MPP4: variants seen among roughly 807,000 people sequenced by gnomAD.
The protein encoded by MPP4 is MAGUK p55 subfamily member 4.
Under a neutral mutation model 98.3 loss-of-function variants are expected in MPP4, and 91 were observed. The observed-to-expected ratio is 0.93, with a 90% confidence interval of 0.78 to 1.10. The LOEUF (loss-of-function observed/expected upper bound fraction) is 1.10. Among genes scored for constraint, MPP4 ranks in the 50% least tolerant of loss-of-function variants. The pLI is 0.00. For missense variants in MPP4, 744 were observed against 792.9 expected, an observed-to-expected ratio of 0.94 and a Z score of 0.74; for synonymous variants, 261 against 271.8, an observed-to-expected ratio of 0.96 and a Z score of 0.39.
chr2:201,683,401 T>C (rs1688719177), intron 7 of MPP4, among the ~76,000 whole-genome samples: 2 of 152,080 alleles, frequency 1.3e-5, no homozygotes, highest in South Asian at 4.1e-4. Flanking sequence ...CGAAGCATGA[T>C]AAAAAATTCA....
chr2:201,654,976 T>C (rs1050918193), intron 17 of MPP4, 59 bp from the exon 18 acceptor site: 106 of 1,140,454 alleles, frequency 9.3e-5, no homozygotes, highest in Admixed American at 2.2e-4. Flanking sequence ...AATTATGTGA[T>C]GGAATTATCA....
intron 14 of MPP4, chr2:201,662,131 G>A (rs1190718907): frequency 6.0e-6 from 2 of 331,068 alleles, no homozygotes; most frequent in Non-Finnish European, 5.8e-6. Context: ...TTTATGAAAG[G>A]AAATTAATAG....
rs1365564268 is a variant in MPP4 at position 201,682,884 on chromosome 2, C to T, written c.607G>A (p.Val203Met). The T allele has an allele frequency of 1.1e-5, 17 of 1,613,878 alleles. No homozygotes were observed. Among genetic ancestry groups the T allele is most frequent in the Non-Finnish European group, 1.4e-5 (17 of 1,179,882 alleles). Residue 203 changes from valine to methionine, a missense_variant, in exon 8 of 22, where the codon GTG becomes ATG. Transcript: ENST00000409474. ...LLYAGDKLVE[V>M]NGVSVEGLDP... Reference sequence around the variant, plus strand: ...AGTCCCTCAACTGAAACTCCATTCACTTCTACCAGTTTGTCTCCAGCATAT... The same window carrying T: ...AGTCCCTCAACTGAAACTCCATTCATTTCTACCAGTTTGTCTCCAGCATAT...
rs527863583 is a variant in MPP4, at chr2:201,691,588, G to A, written c.202-1309C>T. On this transcript the variant is annotated intron_variant, in intron 3 of 21. Coordinates refer to ENST00000409474, the MANE Select transcript of MPP4 (RefSeq NM_033066.3). ...GCTGGAGTGCAGTGGCTCAATCTTG[G>A]CTCACTACAACCTCTGCCTCCCAGG... is the stretch of plus-strand genomic sequence containing the variant. Among the ~76,000 whole-genome samples the A allele has an allele frequency of 3.5e-4, 53 of 152,254 alleles. 1 individual carries two copies. The highest frequency in any genetic ancestry group is 1.3e-3 in the African/African-American group (53 of 41,552).
intron 3 of MPP4, among the ~76,000 whole-genome samples, chr2:201,692,583 G>A (rs1689066276): frequency 6.7e-6 from 1 of 150,246 alleles, no homozygotes. Flanking sequence ...TTTGGGAGCC[G>A]ATAGGTCATC....
intron 18 of MPP4, chr2:201,650,915 A>C: frequency 2.0e-6 from 2 of 985,402 alleles, no homozygotes; most frequent in Non-Finnish European, 2.4e-6. Flanking sequence ...GGTTGTATAG[A>C]ATATAGGAGT....
At chr2:201,673,356 G>C (rs537912492) in intron 11 of MPP4, among the ~76,000 whole-genome samples, 95 of 152,296 alleles carry the variant, frequency 6.2e-4, no homozygotes, top group African/African-American at 1.8e-3. Context: ...ACTCATAAAT[G>C]GGAGTTGAAC....
chr2:201,656,217 G>A lies in MPP4; in HGVS notation c.1281C>T (p.Tyr427=). The A allele has an allele frequency of 6.2e-7, 1 of 1,605,522 alleles. No homozygotes were observed. The highest frequency in any genetic ancestry group is 8.5e-7 in the Non-Finnish European group (1 of 1,176,020). The change falls in exon 17 of 22, where the codon TAC becomes TAT. Residue 427 remains tyrosine, a synonymous_variant. Coordinates refer to ENST00000409474, the MANE Select transcript of MPP4 (RefSeq NM_033066.3). ...ACATACCCATGAGCACTATGAGGCG[G>A]TACTTGTCTGAAGGGCGTCGCTGGT... The part of the protein sequence containing the change: ...VRYQRRPSDK[Y]RLIVLMGPSG...
intron 10 of MPP4, among the ~76,000 whole-genome samples, chr2:201,677,727 G>A (rs1462187343): frequency 6.6e-6 from 1 of 152,228 alleles, no homozygotes; most frequent in African/African-American, 2.4e-5. Flanking sequence ...GATCCTCAGA[G>A]AGGGGAGGGC....
At chr2:201,697,271 T>C (rs530216236) in intron 1 of MPP4, among the ~76,000 whole-genome samples, 1 of 152,348 alleles carries the variant, frequency 6.6e-6, no homozygotes, top group South Asian at 2.1e-4. Context: ...TATGGTACTT[T>C]GTTATGACAG....
chr2:201,674,020 G>A lies in MPP4; in HGVS notation c.994+1187C>T, dbSNP rs368397515. 8.2e-4 allele frequency among the ~76,000 whole-genome samples: 125 copies of A among 152,276 alleles called. 4 individuals carry two copies. In the South Asian group the frequency reaches 0.026, roughly 31 times the overall value. ...CTTTAATCAAGCATTTGCCACCATG[G>A]AGCCTTTACTCACCACTCCCCAGCT... On this transcript the variant is annotated intron_variant, in intron 11 of 21. Coordinates refer to ENST00000409474, the MANE Select transcript of MPP4 (RefSeq NM_033066.3).
At chr2:201,691,995 G>T (rs1689043791) in intron 3 of MPP4, among the ~76,000 whole-genome samples, 1 of 152,212 alleles carries the variant, frequency 6.6e-6, no homozygotes, top group Non-Finnish European at 1.5e-5. Context: ...GACCATCGTG[G>T]TGGCTGTTTT....
intron 18 of MPP4, chr2:201,652,108 T>G: frequency 1.5e-6 from 1 of 670,294 alleles, no homozygotes; most frequent in Non-Finnish European, 1.8e-6. Flanking sequence ...AGCAACTTCT[T>G]GGTCTCCCAC....
At chr2:201,664,424 T>A (rs1688110504) in intron 13 of MPP4, 10 of 1,208,608 alleles carry the variant, frequency 8.3e-6, no homozygotes, top group Non-Finnish European at 1.1e-5. Flanking sequence ...GTCAGGGAAA[T>A]CCCTAGAGAC....
chr2:201,667,762 A>G (rs1183765173), intron 12 of MPP4, among the ~76,000 whole-genome samples: 1 of 152,232 alleles, frequency 6.6e-6, no homozygotes, highest in East Asian at 1.9e-4. Flanking sequence ...AAGCTACACT[A>G]TAAGGTAACC....
intron 13 of MPP4, chr2:201,665,070 T>C (rs1574612225): frequency 6.4e-6 from 1 of 157,298 alleles, no homozygotes. Context: ...TTGCTTTTTT[T>C]TTTTTTTTTT....
At chr2:201,666,515 G>A in intron 12 of MPP4, 143 bp from the exon 13 acceptor site, 1 of 553,528 alleles carries the variant, frequency 1.8e-6, no homozygotes, top group Non-Finnish European at 3.1e-6. Context: ...GAGATCAAGA[G>A]TTCGAGACCA....
chr2:201,649,451 GA>G, intron 20 of MPP4, 124 bp downstream of exon 20: 1 of 670,734 alleles, frequency 1.5e-6, no homozygotes. Flanking sequence ...TTATATATGG[GA>G]AATGGCCTTA....
intron 11 of MPP4, among the ~76,000 whole-genome samples, chr2:201,673,265 T>G (rs940000679): frequency 2.6e-5 from 4 of 152,174 alleles, no homozygotes; most frequent in Admixed American, 2.6e-4. Context: ...AGAATCATAC[T>G]GAATGGGAAT....
Sources: gnomAD v4.1 joint callset for allele counts (sites outside exome capture counted in the v4.1 genomes callset) on GRCh38, gnomAD v4.1.1 for gene constraint, MANE v1.5 for transcripts, NCBI Gene and HGNC (gene_info 2026-07-23, HGNC 2026-07-21) for gene names.